ANKRD29: variants seen among roughly 807,000 people sequenced by gnomAD.
The protein encoded by ANKRD29 is ankyrin repeat domain-containing protein 29.
In ANKRD29, 32 loss-of-function variants were observed where a neutral mutation model predicts 38.0. The observed-to-expected ratio is 0.84, with a 90% CI of 0.64 to 1.13. The LOEUF is 1.13. Ranked by LOEUF, ANKRD29 falls within the 50% of genes most tolerant of loss-of-function variation. The pLI is 0.00. For missense variants in ANKRD29, 357 were observed against 377.9 expected (o/e 0.94, Z 0.46); for synonymous variants, 135 against 152.4 (o/e 0.89, Z 0.84).
chr18:23,659,048 C>G (rs2060321456), intron 1 of ANKRD29, among the ~76,000 whole-genome samples: 1 of 152,194 alleles, frequency 6.6e-6, no homozygotes, highest in South Asian at 2.1e-4. Context: ...GTGGTATGAT[C>G]TTGGCTCACT....
intron 1 of ANKRD29, among the ~76,000 whole-genome samples, chr18:23,661,425 G>T (rs2060359355): frequency 6.6e-6 from 1 of 152,284 alleles, no homozygotes; most frequent in South Asian, 2.1e-4. Flanking sequence ...TTTAAAGTCG[G>T]CCGGGCGTAG....
Position 23,662,734 on chromosome 18 carries a change from C to T in ANKRD29, c.-4G>A, listed in dbSNP as rs2060383733. On this transcript the variant is annotated 5_prime_UTR_variant, in exon 1 of 10. Transcript: ENST00000592179. ...CCTTGAAGGACATCCTGCACATGTC[C>T]GCGGCCGCCCGAGCGGGAGCCGGCG... 2 of 1,465,638 alleles carry T rather than the reference C, an allele frequency of 1.4e-6. No homozygotes were observed. The highest frequency in any genetic ancestry group is 2.4e-5 in the Admixed American group (1 of 42,340). 90.8% of individuals were successfully genotyped at this position (1,465,638 alleles called of 1,614,324 possible).
rs1427751868 is a variant in ANKRD29 at position 23,599,517 on chromosome 18, A to T, written c.*1709T>A. Reference sequence around the variant, plus strand: ...GAAAATACAAAGCATTTAATGCCATATTATTTTCCTCTTCAAAATGAATAT... The same window carrying T: ...GAAAATACAAAGCATTTAATGCCATTTTATTTTCCTCTTCAAAATGAATAT... On this transcript the variant is annotated 3_prime_UTR_variant, in exon 10 of 10. Coordinates refer to ENST00000592179, the MANE Select transcript of ANKRD29 (RefSeq NM_173505.4). The T allele has an allele frequency of 6.6e-6, 1 of 152,258 alleles. No homozygotes were observed. Among genetic ancestry groups the T allele is most frequent in the African/African-American group, 2.4e-5 (1 of 41,480 alleles). 9.4% of individuals were successfully genotyped at this position (152,258 alleles called of 1,614,324 possible). A position where few individuals can be genotyped will look rare whatever the true frequency, so the allele number is the denominator to read the frequency against.
intron 5 of ANKRD29, among the ~76,000 whole-genome samples, chr18:23,631,465 C>G (rs946800466): frequency 6.6e-6 from 1 of 151,838 alleles, no homozygotes; most frequent in East Asian, 2.0e-4. Flanking sequence ...AGGCTGGTCT[C>G]GAACTCTTGG....
At chr18:23,625,121 G>C (rs556794087) in intron 6 of ANKRD29, among the ~76,000 whole-genome samples, 21 of 152,334 alleles carry the variant, frequency 1.4e-4, no homozygotes, top group African/African-American at 5.0e-4. Flanking sequence ...GGGAGTCCAA[G>C]AGCTGTGAGG....
chr18:23,617,007 T>C (rs886968293), intron 8 of ANKRD29, among the ~76,000 whole-genome samples: 2 of 151,814 alleles, frequency 1.3e-5, no homozygotes, highest in African/African-American at 2.4e-5. Flanking sequence ...TCACTTGAGG[T>C]CAGGAGTTCA....
intron 9 of ANKRD29, among the ~76,000 whole-genome samples, chr18:23,605,392 G>C (rs1220370626): frequency 6.6e-6 from 1 of 151,898 alleles, no homozygotes; most frequent in Non-Finnish European, 1.5e-5. Context: ...TGGAGAGATA[G>C]GGTCTTGCTA....
At chr18:23,610,978 C>T (rs1012474318) in intron 9 of ANKRD29, among the ~76,000 whole-genome samples, 7 of 152,370 alleles carry the variant, frequency 4.6e-5, no homozygotes, top group African/African-American at 7.2e-5. Flanking sequence ...TTGCGCCTGG[C>T]GCATGCATTC....
intron 9 of ANKRD29, among the ~76,000 whole-genome samples, chr18:23,603,717 T>C (rs1002146208): frequency 1.3e-5 from 2 of 152,224 alleles, no homozygotes; most frequent in East Asian, 3.8e-4. Context: ...GGTAGATACC[T>C]TGTTCTTTCA....
intron 1 of ANKRD29, among the ~76,000 whole-genome samples, chr18:23,650,933 T>C (rs2060203172): frequency 6.6e-6 from 1 of 152,234 alleles, no homozygotes; most frequent in African/African-American, 2.4e-5. Context: ...GAAAGCATTT[T>C]TTGTGAGTGG....
chr18:23,629,457 G>GT (rs2059902299), intron 6 of ANKRD29, among the ~76,000 whole-genome samples: 1 of 152,230 alleles, frequency 6.6e-6, no homozygotes, highest in Non-Finnish European at 1.5e-5. Flanking sequence ...TGGGCAGGTA[G>GT]TAAGGCAGCA....
intron 1 of ANKRD29, among the ~76,000 whole-genome samples, chr18:23,656,024 C>T (rs573549468): frequency 0.012 from 1,716 of 143,720 alleles, 11 homozygotes; most frequent in South Asian, 0.023. Flanking sequence ...ACCCGGGAGG[C>T]GGAGCTTGCA....
chr18:23,614,668 C>CA (rs1299529959), intron 8 of ANKRD29, among the ~76,000 whole-genome samples: 1,187 of 53,670 alleles, frequency 0.022, 9 homozygotes, highest in African/African-American at 0.057. Flanking sequence ...ACCCTGTCTC[C>CA]AAAAAAAAAA....
intron 1 of ANKRD29, among the ~76,000 whole-genome samples, chr18:23,656,510 C>A (rs2060286352): frequency 6.6e-6 from 1 of 152,112 alleles, no homozygotes; most frequent in Admixed American, 6.5e-5. Flanking sequence ...TAAATAGCTA[C>A]AAAACATAAC....
At chr18:23,635,119 T>C (rs2059985949) in intron 4 of ANKRD29, among the ~76,000 whole-genome samples, 2 of 151,870 alleles carry the variant, frequency 1.3e-5, no homozygotes, top group Admixed American at 6.6e-5. Context: ...GCAACAAAAA[T>C]TAGCCAGGGT....
chr18:23,605,307 C>T (rs1223610364), intron 9 of ANKRD29, among the ~76,000 whole-genome samples: 1 of 151,974 alleles, frequency 6.6e-6, no homozygotes, highest in East Asian at 1.9e-4. Flanking sequence ...AATCATAGCT[C>T]ATGACAGCCT....
chr18:23,629,801 C>T, intron 6 of ANKRD29, 52 bp downstream of exon 6: 1 of 1,510,026 alleles, frequency 6.6e-7, no homozygotes, highest in Non-Finnish European at 9.1e-7. Context: ...ACACCCAGCC[C>T]TCCCTGCCCC....
At chr18:23,627,875 G>A (rs941965402) in intron 6 of ANKRD29, among the ~76,000 whole-genome samples, 55 of 152,072 alleles carry the variant, frequency 3.6e-4, no homozygotes, top group African/African-American at 1.2e-3. Context: ...GGACCAATAC[G>A]AAAATATTAA....
intron 6 of ANKRD29, among the ~76,000 whole-genome samples, chr18:23,629,267 G>C (rs2059899842): frequency 6.6e-6 from 1 of 152,260 alleles, no homozygotes; most frequent in Non-Finnish European, 1.5e-5. Flanking sequence ...TTATAGGCAT[G>C]AGCCACCACT....
Sources: allele counts gnomAD v4.1 joint callset (sites outside exome capture counted in the v4.1 genomes callset), GRCh38; gene constraint gnomAD v4.1.1; transcripts MANE v1.5; gene names NCBI Gene and HGNC (gene_info 2026-07-23, HGNC 2026-07-21).